GRIN2A: variants seen among roughly 807,000 people sequenced by gnomAD.
The protein encoded by GRIN2A is glutamate ionotropic receptor NMDA type subunit 2A.
Under a neutral mutation model 113.4 loss-of-function variants are expected in GRIN2A, and 22 were observed. The ratio of observed to expected loss-of-function variants is 0.19; its 90% CI spans 0.14 to 0.28. GRIN2A has a LOEUF of 0.28. Ranked by LOEUF, GRIN2A falls within the 10% of genes least tolerant of loss-of-function variation. The pLI is 1.00. For missense variants in GRIN2A, 1,502 were observed against 1,887.0 expected (o/e 0.80, Z 3.78); for synonymous variants, 827 against 738.4 (o/e 1.12, Z -1.94).
intron 2 of GRIN2A, among the ~76,000 whole-genome samples, chr16:10,143,869 G>C (rs2049377976): frequency 1.3e-5 from 2 of 152,156 alleles, no homozygotes; most frequent in Admixed American, 1.3e-4. Context: ...GGGAGGCTGA[G>C]GCAGGAGGAT....
intron 2 of GRIN2A, among the ~76,000 whole-genome samples, chr16:10,063,987 A>G (rs1173113076): frequency 6.6e-6 from 1 of 152,172 alleles, no homozygotes; most frequent in Non-Finnish European, 1.5e-5. Flanking sequence ...CTGGGATTTT[A>G]TGTCTCAGCA....
At chr16:9,898,783 A>T (rs1378124877) in intron 3 of GRIN2A, among the ~76,000 whole-genome samples, 2 of 143,154 alleles carry the variant, frequency 1.4e-5, no homozygotes, top group Non-Finnish European at 3.0e-5. Context: ...TTTCATTTTC[A>T]CAGAGTGTTT....
intron 11 of GRIN2A, among the ~76,000 whole-genome samples, chr16:9,781,672 T>G (rs1039197061): frequency 6.6e-6 from 1 of 152,164 alleles, no homozygotes; most frequent in Non-Finnish European, 1.5e-5. Flanking sequence ...TAACAAACCT[T>G]TTGGGCATCA....
Position 9,759,113 on chromosome 16 carries a change from T to C in GRIN2A, c.*4036A>G, listed in dbSNP as rs9921182. 4.3e-3 allele frequency: 930 copies of C among 217,998 alleles called. 8 individuals carry two copies. Among genetic ancestry groups the C allele is most frequent in the African/African-American group, 0.019 (868 of 44,670 alleles). The allele number at this position is 217,998 out of a possible 1,614,324, so 13.5% of individuals were successfully genotyped here. ...AGAAACAGTACAGGAATGTGCATAA[T>C]GTTAACGAATATATCCAGCTCCTCT... is the stretch of plus-strand genomic sequence containing the variant. On this transcript the variant is annotated 3_prime_UTR_variant, in exon 13 of 13. Transcript: ENST00000330684.
chr16:9,979,053 C>T (rs1388577357), intron 2 of GRIN2A, among the ~76,000 whole-genome samples: 2 of 152,172 alleles, frequency 1.3e-5, no homozygotes, highest in African/African-American at 2.4e-5. Context: ...GGGTCCCTCA[C>T]TCTGGTTATG....
chr16:9,946,084 G>C (rs2045010786), intron 2 of GRIN2A, among the ~76,000 whole-genome samples: 1 of 152,166 alleles, frequency 6.6e-6, no homozygotes, highest in African/African-American at 2.4e-5. Context: ...ACCACACAAT[G>C]ATCATTGCTC....
chr16:9,852,458 G>A (rs1468372806), intron 4 of GRIN2A, among the ~76,000 whole-genome samples: 2 of 152,134 alleles, frequency 1.3e-5, no homozygotes, highest in Non-Finnish European at 2.9e-5. Flanking sequence ...TCAGTCCAAC[G>A]CTCGCTCATG....
intron 4 of GRIN2A, among the ~76,000 whole-genome samples, chr16:9,880,809 A>G (rs184813833): frequency 6.6e-6 from 1 of 152,200 alleles, no homozygotes; most frequent in Non-Finnish European, 1.5e-5. Flanking sequence ...TCAAACGAGA[A>G]ATCCTCCATA....
chr16:9,782,799 T>A (rs1902009331), intron 11 of GRIN2A, among the ~76,000 whole-genome samples: 1 of 152,212 alleles, frequency 6.6e-6, no homozygotes, highest in Admixed American at 6.5e-5. Context: ...ACTCAGTGGC[T>A]CTCCAGGATA....
At chr16:10,007,930 C>T (rs980924577) in intron 2 of GRIN2A, among the ~76,000 whole-genome samples, 11 of 152,180 alleles carry the variant, frequency 7.2e-5, no homozygotes, top group Admixed American at 1.3e-4. Context: ...AAAGCTTACT[C>T]TGACAAGTCA....
In GRIN2A at chr16:10,083,175, A is replaced by C. The variant is rs529861106; in HGVS notation, c.414+96823T>G. Among the ~76,000 whole-genome samples the C allele has an allele frequency of 2.0e-5, 3 of 152,352 alleles. No individual in the cohort carries two copies. In the South Asian group the frequency reaches 6.2e-4, roughly 32 times the overall value. On this transcript the variant is annotated intron_variant, in intron 2 of 12. Coordinates refer to ENST00000330684, the MANE Select transcript of GRIN2A (RefSeq NM_001134407.3). Reference sequence around the variant, plus strand: ...CCAAGAAGAAACCCCCACATTTGTCATTTGCAGAAGCTACAGTAGAGACAA... The same window carrying C: ...CCAAGAAGAAACCCCCACATTTGTCCTTTGCAGAAGCTACAGTAGAGACAA...
intron 4 of GRIN2A, among the ~76,000 whole-genome samples, chr16:9,872,481 T>C (rs1226542329): frequency 1.3e-5 from 2 of 152,212 alleles, no homozygotes; most frequent in African/African-American, 4.8e-5. Flanking sequence ...TGATTTATAG[T>C]ATAACTTGAC....
chr16:9,979,662 C>T (rs1363182724), intron 2 of GRIN2A, among the ~76,000 whole-genome samples: 2 of 151,946 alleles, frequency 1.3e-5, no homozygotes, highest in African/African-American at 4.8e-5. Flanking sequence ...CATGAAAAGA[C>T]TGTATCCTCA....
intron 7 of GRIN2A, among the ~76,000 whole-genome samples, chr16:9,837,730 C>G (rs777751373): frequency 6.6e-6 from 1 of 152,126 alleles, no homozygotes; most frequent in African/African-American, 2.4e-5. Context: ...TATTAAGATT[C>G]TGCATGTGTT....
chr16:9,940,373 A>G (rs569370397), intron 2 of GRIN2A, among the ~76,000 whole-genome samples: 6 of 152,204 alleles, frequency 3.9e-5, no homozygotes, highest in Non-Finnish European at 7.3e-5. Context: ...TAAATTAATT[A>G]AAGTGGGTAA....
At chr16:9,916,408 C>A (rs1020863070) in intron 3 of GRIN2A, among the ~76,000 whole-genome samples, 1 of 152,164 alleles carries the variant, frequency 6.6e-6, no homozygotes, top group African/African-American at 2.4e-5. Context: ...TTTTCATACA[C>A]CCTGAATCTG....
At chr16:10,174,603 T>A (rs2050107559) in intron 2 of GRIN2A, among the ~76,000 whole-genome samples, 1 of 151,866 alleles carries the variant, frequency 6.6e-6, no homozygotes. Context: ...GTGAGAAGAG[T>A]TTTTCATTAT....
chr16:10,151,176 C>T (rs7196212), intron 2 of GRIN2A, among the ~76,000 whole-genome samples: 1 of 152,186 alleles, frequency 6.6e-6, no homozygotes, highest in African/African-American at 2.4e-5. Flanking sequence ...CTTGCTTGAT[C>T]GAGAGCTGAG....
At position 10,154,995 on chromosome 16, in the gene GRIN2A, T is replaced by A. The variant is rs997991037; in HGVS notation, c.414+25003A>T. ...TCGTTCAAACAGCAGGAAATAAGTT[T>A]AAACCGTGTCTGTAGCGCAGGACTT... On this transcript the variant is annotated intron_variant, in intron 2 of 12. Transcript: ENST00000330684. Among the ~76,000 whole-genome samples the A allele has an allele frequency of 7.2e-5, 11 of 152,324 alleles. No individual in the cohort carries two copies. In the East Asian group the frequency reaches 2.1e-3, roughly 29 times the overall value.
Sources: gnomAD v4.1 joint callset for allele counts (sites outside exome capture counted in the v4.1 genomes callset) on GRCh38, gnomAD v4.1.1 for gene constraint, MANE v1.5 for transcripts, NCBI Gene and HGNC (gene_info 2026-07-23, HGNC 2026-07-21) for gene names.